The following PRKCB variants were observed in gnomAD, a reference collection of about 807,000 sequenced individuals.
The protein encoded by PRKCB is protein kinase C beta type.
In PRKCB, 13 loss-of-function variants were observed where a neutral mutation model predicts 81.5. The observed-to-expected ratio is 0.16, with a 90% CI of 0.10 to 0.25. PRKCB has a LOEUF of 0.25. Among genes scored for constraint, PRKCB ranks in the 10% least tolerant of loss-of-function variants. PRKCB has a pLI of 1.00. For synonymous variants in PRKCB, 335 were observed against 321.4 expected, an observed-to-expected ratio of 1.04 and a Z score of -0.45; for missense variants, 509 against 875.7, an observed-to-expected ratio of 0.58 and a Z score of 5.29.
intron 5 of PRKCB, 54 bp downstream of exon 5, chr16:24,035,601 G>C: frequency 5.3e-6 from 7 of 1,320,268 alleles, no homozygotes; most frequent in Non-Finnish European, 7.1e-6. Context: ...CTGTGTGATT[G>C]AGAAGGGGAG....
chr16:24,165,727 A>T (rs896942507), intron 10 of PRKCB, among the ~76,000 whole-genome samples: 2 of 152,180 alleles, frequency 1.3e-5, no homozygotes, highest in Admixed American at 1.3e-4. Context: ...AGAGAGGATG[A>T]ATTTCCATTT....
At chr16:23,875,480 G>GATAGATAT (rs1555480880) in intron 2 of PRKCB, among the ~76,000 whole-genome samples, 1 of 4,648 alleles carries the variant, frequency 2.2e-4, no homozygotes, top group Non-Finnish European at 5.1e-4. Context: ...CAACTAAAAA[G>GATAGATAT]ATATATATAT....
intron 9 of PRKCB, among the ~76,000 whole-genome samples, chr16:24,153,944 T>C (rs1967114977): frequency 6.6e-6 from 1 of 152,250 alleles, no homozygotes; most frequent in Non-Finnish European, 1.5e-5. Flanking sequence ...ACAAGTGCCC[T>C]AATTTTAGTT....
chr16:24,063,660 C>T lies in PRKCB; in HGVS notation c.529+28113C>T, dbSNP rs569775544. The stretch of plus-strand genomic sequence containing the variant: ...GAGAAAGAATGGAGTTTGCAGCATG[C>T]GCTTAGGGAACCCAGTATCATGATG... On this transcript the variant is annotated intron_variant, in intron 5 of 16. Coordinates refer to ENST00000643927, the MANE Select transcript of PRKCB (RefSeq NM_002738.7). 3.3e-5 allele frequency among the ~76,000 whole-genome samples: 5 copies of T among 152,182 alleles called. No individual in the cohort carries two copies. The South Asian group carries it at 6.2e-4, about 19-fold the overall frequency.
rs749777388 is a variant in PRKCB, at chr16:24,123,862, G to A, written c.946G>A (p.Val316Ile). 15 of 1,614,106 alleles carry A rather than the reference G, an allele frequency of 9.3e-6. No individual in the cohort carries two copies. Among genetic ancestry groups the A allele is most frequent in the Non-Finnish European group, 1.2e-5 (14 of 1,180,004 alleles). The change falls in exon 9 of 17, where the codon GTC (valine) becomes ATC (isoleucine). Residue 316 changes from valine (V) to isoleucine (I), a missense_variant. By Grantham distance (29) the Val-to-Ile change is conservative. This residue lies in a region of PRKCB where 80 missense variants were observed against 89.4 expected (regional missense o/e 0.90). Transcript: ENST00000643927. ...ERAKISQGTK[V>I]PEEKTTNTVS... ...GGCCAAGATCAGTCAGGGAACCAAGGTCCCGGAAGAAAAGACGACCAACAC... is the reference window on the plus strand; with the variant it reads ...GGCCAAGATCAGTCAGGGAACCAAGATCCCGGAAGAAAAGACGACCAACAC...
At chr16:23,845,370 TAA>T (rs879292859) in intron 2 of PRKCB, among the ~76,000 whole-genome samples, 1 of 144,526 alleles carries the variant, frequency 6.9e-6, no homozygotes. Flanking sequence ...GTCTGGGAAT[TAA>T]AAAAAAAAAG....
intron 2 of PRKCB, among the ~76,000 whole-genome samples, chr16:23,942,781 C>G (rs1019376962): frequency 6.6e-6 from 1 of 152,186 alleles, no homozygotes; most frequent in African/African-American, 2.4e-5. Context: ...TTGAAAACAT[C>G]AGAAAGCCTA....
At chr16:23,882,004 T>TTCTCTTTCTTTCTTTC (rs150470820) in intron 2 of PRKCB, among the ~76,000 whole-genome samples, 2 of 72,026 alleles carry the variant, frequency 2.8e-5, no homozygotes, top group South Asian at 1.0e-3. Context: ...CTTTCTTTCT[T>TTCTCTTTCTTTCTTTC]TCTTTCTTTC....
chr16:23,860,860 C>T (rs964799944), intron 2 of PRKCB, among the ~76,000 whole-genome samples: 2 of 152,048 alleles, frequency 1.3e-5, no homozygotes, highest in African/African-American at 4.8e-5. Context: ...GAGCCAAGAT[C>T]GCGCTACTGT....
chr16:24,033,053 C>G (rs1321359035), intron 4 of PRKCB, among the ~76,000 whole-genome samples: 1 of 152,192 alleles, frequency 6.6e-6, no homozygotes, highest in South Asian at 2.1e-4. Flanking sequence ...TAGGACTCCT[C>G]TTTATGAGGC....
At chr16:24,139,245 G>A (rs887195099) in intron 9 of PRKCB, among the ~76,000 whole-genome samples, 11 of 152,124 alleles carry the variant, frequency 7.2e-5, no homozygotes, top group Non-Finnish European at 1.6e-4. Flanking sequence ...CAAAAGAACC[G>A]TTCAGTTACT....
intron 9 of PRKCB, among the ~76,000 whole-genome samples, chr16:24,147,610 G>A (rs888914859): frequency 6.6e-6 from 1 of 152,180 alleles, no homozygotes; most frequent in African/African-American, 2.4e-5. Flanking sequence ...AAGAGGAATA[G>A]GACCAGGATC....
At chr16:24,003,757 A>G (rs924593882) in intron 3 of PRKCB, among the ~76,000 whole-genome samples, 2 of 152,078 alleles carry the variant, frequency 1.3e-5, no homozygotes, top group African/African-American at 2.4e-5. Flanking sequence ...GGGAGAACGA[A>G]CTCTTATAAC....
intron 2 of PRKCB, among the ~76,000 whole-genome samples, chr16:23,980,210 G>T (rs1437658769): frequency 6.6e-6 from 1 of 152,246 alleles, no homozygotes; most frequent in Non-Finnish European, 1.5e-5. Flanking sequence ...TCTTCTTAGT[G>T]CTGGTGAGAC....
chr16:24,006,715 C>T (rs1965127381), intron 3 of PRKCB, among the ~76,000 whole-genome samples: 1 of 152,134 alleles, frequency 6.6e-6, no homozygotes, highest in Non-Finnish European at 1.5e-5. Flanking sequence ...GATTATCTGG[C>T]CGAGCTCAAG....
chr16:23,985,250 C>A (rs769481941), intron 2 of PRKCB, among the ~76,000 whole-genome samples: 2 of 152,084 alleles, frequency 1.3e-5, no homozygotes, highest in Non-Finnish European at 2.9e-5. Context: ...CCTACCACCA[C>A]GCCCAGCTAA....
At chr16:24,127,004 CT>C (rs34385102) in intron 9 of PRKCB, among the ~76,000 whole-genome samples, 27,414 of 115,914 alleles carry the variant, frequency 0.24, 2,349 homozygotes, top group Middle Eastern at 0.3. Flanking sequence ...TTCTTTTTTC[CT>C]TTTTTTTTTT....
At chr16:24,033,897 C>G (rs1053117117) in intron 4 of PRKCB, among the ~76,000 whole-genome samples, 1 of 151,660 alleles carries the variant, frequency 6.6e-6, no homozygotes, top group Admixed American at 6.6e-5. Flanking sequence ...CAGAGAGACA[C>G]GGAGGAGAGA....
intron 2 of PRKCB, among the ~76,000 whole-genome samples, chr16:23,895,405 T>C (rs898926116): frequency 6.6e-5 from 10 of 152,192 alleles, no homozygotes; most frequent in Non-Finnish European, 1.5e-5. Flanking sequence ...TTCTGCTTTT[T>C]AATTATTTCC....
Sources: gnomAD v4.1 joint callset for allele counts (sites outside exome capture counted in the v4.1 genomes callset) on GRCh38, gnomAD v4.1.1 for gene constraint, gnomAD v4.1.1 regional missense constraint, MANE v1.5 for transcripts, NCBI Gene and HGNC (gene_info 2026-07-23, HGNC 2026-07-21) for gene names.